The following DCDC1 variants were observed in gnomAD, a reference collection of about 807,000 sequenced individuals.
DCDC1 encodes doublecortin domain containing 1.
A neutral mutation model predicts 178.3 loss-of-function variants in DCDC1; 200 were observed. The observed-to-expected ratio is 1.12, with a 90% CI of 1.00 to 1.26. DCDC1 has a LOEUF of 1.26. DCDC1 is among the 50% of genes most tolerant of loss of function. DCDC1 has a pLI of 0.00. For synonymous variants in DCDC1, 690 were observed against 604.8 expected (o/e 1.14, Z -2.07); for missense variants, 1,983 against 1,749.2 (o/e 1.13, Z -2.38).
intron 11 of DCDC1, 117 bp from the exon 12 acceptor site, chr11:31,110,478 G>A (rs1351089230): frequency 5.4e-6 from 3 of 556,664 alleles, no homozygotes; most frequent in Non-Finnish European, 9.7e-6. Context: ...CATGTCAACT[G>A]AAAATTGTGT....
intron 9 of DCDC1, among the ~76,000 whole-genome samples, chr11:31,148,715 A>C (rs1964773051): frequency 6.6e-6 from 1 of 151,632 alleles, no homozygotes; most frequent in Non-Finnish European, 1.5e-5. Flanking sequence ...AAAAAAAAAA[A>C]GTTCACGGTC....
At chr11:31,044,357 G>A (rs1739155095) in intron 20 of DCDC1, among the ~76,000 whole-genome samples, 1 of 151,664 alleles carries the variant, frequency 6.6e-6, no homozygotes, top group South Asian at 2.1e-4. Flanking sequence ...AGAACCTGTA[G>A]TCCCAGCTGC....
chr11:31,203,597 G>A (rs7931742), intron 9 of DCDC1, among the ~76,000 whole-genome samples: 40,069 of 152,054 alleles, frequency 0.26, 5,432 homozygotes, highest in African/African-American at 0.32. Flanking sequence ...AGGATGCTGT[G>A]GGAACATGTT....
chr11:30,978,413 T>C (rs1389731927), intron 20 of DCDC1, among the ~76,000 whole-genome samples: 1 of 152,194 alleles, frequency 6.6e-6, no homozygotes, highest in African/African-American at 2.4e-5. Context: ...TGAAACATAA[T>C]AAATACATAA....
At chr11:30,944,176 T>C (rs1262707422) in intron 21 of DCDC1, 2 of 364,006 alleles carry the variant, frequency 5.5e-6, no homozygotes, top group Non-Finnish European at 1.1e-5. Context: ...ACCAAACTTT[T>C]TCTGTGAGTT....
chr11:30,988,537 C>T (rs1180084414), intron 20 of DCDC1, among the ~76,000 whole-genome samples: 1 of 152,080 alleles, frequency 6.6e-6, no homozygotes, highest in Non-Finnish European at 1.5e-5. Context: ...AACTGCTTCC[C>T]TCACCCCACT....
chr11:31,190,080 G>A (rs535143638), intron 9 of DCDC1, among the ~76,000 whole-genome samples: 237 of 152,276 alleles, frequency 1.6e-3, no homozygotes, highest in Non-Finnish European at 2.7e-3. Flanking sequence ...TTAAGGGTGT[G>A]TTTCACTGAA....
chr11:31,331,826 G>A (rs1950006360), intron 2 of DCDC1, among the ~76,000 whole-genome samples: 1 of 135,622 alleles, frequency 7.4e-6, no homozygotes, highest in South Asian at 2.2e-4. Context: ...CAGGGATACT[G>A]GTCTAAAATT....
intron 21 of DCDC1, among the ~76,000 whole-genome samples, chr11:30,945,755 T>C (rs1324977058): frequency 1.4e-5 from 2 of 145,784 alleles, no homozygotes; most frequent in Non-Finnish European, 2.9e-5. Context: ...TATCTGTCTG[T>C]CTGTCTATCT....
intron 38 of DCDC1, among the ~76,000 whole-genome samples, chr11:30,872,248 T>C (rs1161928432): frequency 6.6e-6 from 1 of 152,156 alleles, no homozygotes; most frequent in South Asian, 2.1e-4. Flanking sequence ...GTTGTTGTTG[T>C]TTTGTTTTGT....
intron 35 of DCDC1, 134 bp downstream of exon 35, chr11:30,894,114 C>T (rs1944007894): frequency 8.1e-7 from 1 of 1,230,392 alleles, no homozygotes; most frequent in Non-Finnish European, 1.1e-6. Flanking sequence ...CAATGCTTGG[C>T]ATATGCTTAT....
intron 7 of DCDC1, among the ~76,000 whole-genome samples, chr11:31,270,014 C>G (rs1304035030): frequency 6.6e-6 from 1 of 152,170 alleles, no homozygotes; most frequent in East Asian, 1.9e-4. Context: ...TCTCCTCAGA[C>G]AGAGAACCTT....
chr11:30,917,347 A>G (rs1401209573), intron 25 of DCDC1, among the ~76,000 whole-genome samples: 1 of 152,234 alleles, frequency 6.6e-6, no homozygotes, highest in Non-Finnish European at 1.5e-5. Context: ...TGAGAAATTC[A>G]CAATGAACAT....
chr11:31,364,990 C>A (rs982419044), intron 1 of DCDC1, among the ~76,000 whole-genome samples: 10 of 152,134 alleles, frequency 6.6e-5, no homozygotes, highest in African/African-American at 2.4e-4. Flanking sequence ...GTAATCTATT[C>A]TACGTATTAG....
chr11:30,909,720 A>G (rs1945314398), intron 28 of DCDC1, among the ~76,000 whole-genome samples: 1 of 152,150 alleles, frequency 6.6e-6, no homozygotes, highest in Non-Finnish European at 1.5e-5. Flanking sequence ...TAATAAATGA[A>G]AAAAAGTACC....
intron 21 of DCDC1, among the ~76,000 whole-genome samples, chr11:30,937,571 G>A (rs1947352934): frequency 6.6e-6 from 1 of 151,956 alleles, no homozygotes; most frequent in African/African-American, 2.4e-5. Flanking sequence ...CATCTCCTTC[G>A]AGGGAGATCT....
chr11:31,155,076 T>C (rs1369336791), intron 9 of DCDC1, among the ~76,000 whole-genome samples: 1 of 152,196 alleles, frequency 6.6e-6, no homozygotes, highest in Non-Finnish European at 1.5e-5. Context: ...ATTCCAAATT[T>C]TTACTGTCCC....
chr11:31,238,939 T>C (rs916185308), intron 9 of DCDC1, among the ~76,000 whole-genome samples: 5 of 151,096 alleles, frequency 3.3e-5, no homozygotes, highest in Non-Finnish European at 7.4e-5. Context: ...AATTGAAAAA[T>C]GAGTAAGTTT....
intron 3 of DCDC1, among the ~76,000 whole-genome samples, chr11:31,321,475 C>T (rs527951212): frequency 4.6e-5 from 7 of 152,158 alleles, no homozygotes; most frequent in Admixed American, 1.3e-4. Flanking sequence ...TGACCCCTTG[C>T]GCTTCCCAGG....
Sources: allele counts gnomAD v4.1 joint callset (sites outside exome capture counted in the v4.1 genomes callset), GRCh38; gene constraint gnomAD v4.1.1; transcripts MANE v1.5; gene names NCBI Gene and HGNC (gene_info 2026-07-23, HGNC 2026-07-21).